The following MGAT4C variants were observed in gnomAD, a reference collection of about 807,000 sequenced individuals.
The protein encoded by MGAT4C is MGAT4 family member C, also known as alpha-1,3-mannosyl-glycoprotein 4-beta-N-acetylglucosaminyltransferase C.
In MGAT4C, 19 loss-of-function variants were observed where a neutral mutation model predicts 40.1. The observed-to-expected ratio is 0.47, with a 90% CI of 0.33 to 0.70. MGAT4C has a LOEUF of 0.70. MGAT4C is among the 30% of genes least tolerant of loss of function. The pLI is 0.02. For missense variants in MGAT4C, 491 were observed against 563.2 expected (o/e 0.87, Z 1.30); for synonymous variants, 181 against 187.1 (o/e 0.97, Z 0.27).
intron 2 of MGAT4C, among the ~76,000 whole-genome samples, chr12:86,000,176 A>G (rs1887142526): frequency 6.6e-6 from 1 of 152,214 alleles, no homozygotes; most frequent in African/African-American, 2.4e-5. Context: ...ATTAGAAAAA[A>G]GGGTAAACTA....
At chr12:85,986,107 A>C (rs1885166717) in intron 3 of MGAT4C, among the ~76,000 whole-genome samples, 1 of 152,346 alleles carries the variant, frequency 6.6e-6, no homozygotes, top group African/African-American at 2.4e-5. Flanking sequence ...TCACTTTATT[A>C]AATTCTCAGG....
intron 2 of MGAT4C, among the ~76,000 whole-genome samples, chr12:86,587,035 T>C (rs1961077552): frequency 6.6e-6 from 1 of 152,156 alleles, no homozygotes; most frequent in Admixed American, 6.6e-5. Flanking sequence ...TCCATGCCTA[T>C]GTCCTGAATG....
chr12:86,109,577 A>C (rs1026709156), intron 1 of MGAT4C, among the ~76,000 whole-genome samples: 1 of 152,058 alleles, frequency 6.6e-6, no homozygotes, highest in South Asian at 2.1e-4. Context: ...CATAATTATC[A>C]CTATTATTCT....
chr12:86,731,720 C>T (rs1393759581), intron 1 of MGAT4C, among the ~76,000 whole-genome samples: 1 of 151,724 alleles, frequency 6.6e-6, no homozygotes, highest in African/African-American at 2.4e-5. Flanking sequence ...TGACTGAAGA[C>T]AAGTTCTTCT....
At chr12:86,413,613 T>A (rs1213134695) in intron 3 of MGAT4C, among the ~76,000 whole-genome samples, 1 of 152,184 alleles carries the variant, frequency 6.6e-6, no homozygotes, top group African/African-American at 2.4e-5. Flanking sequence ...TCTGAAGACA[T>A]GGGAAGTGTT....
chr12:86,000,857 T>C (rs566341763), intron 2 of MGAT4C, among the ~76,000 whole-genome samples: 65 of 152,276 alleles, frequency 4.3e-4, no homozygotes, highest in Non-Finnish European at 7.2e-4. Context: ...CTACGATGCC[T>C]CATCAACTGC....
intron 2 of MGAT4C, among the ~76,000 whole-genome samples, chr12:86,700,027 T>C (rs201942128): frequency 4.1e-5 from 1 of 24,164 alleles, no homozygotes; most frequent in South Asian, 1.6e-3. Flanking sequence ...AGGGGTCAAA[T>C]TTAGATAAAT....
intron 3 of MGAT4C, among the ~76,000 whole-genome samples, chr12:86,366,350 T>C: frequency 6.6e-6 from 1 of 152,356 alleles, no homozygotes; most frequent in East Asian, 1.9e-4. Context: ...TGACTTCGTC[T>C]TTTCCTATTT....
chr12:86,618,340 G>A (rs920707012), intron 2 of MGAT4C, among the ~76,000 whole-genome samples: 1 of 152,072 alleles, frequency 6.6e-6, no homozygotes, highest in Non-Finnish European at 1.5e-5. Context: ...TTTATCCAAA[G>A]GAAAGTAAAT....
intron 1 of MGAT4C, among the ~76,000 whole-genome samples, chr12:86,783,701 T>C (rs1235322878): frequency 2.0e-5 from 3 of 152,190 alleles, no homozygotes; most frequent in Non-Finnish European, 2.9e-5. Context: ...CTCATTTTCT[T>C]TTTTTAAAAA....
At chr12:86,045,229 T>A (rs1419090899) in intron 2 of MGAT4C, among the ~76,000 whole-genome samples, 1 of 152,180 alleles carries the variant, frequency 6.6e-6, no homozygotes, top group African/African-American at 2.4e-5. Flanking sequence ...TCTTTTGTTT[T>A]TAAAATAAAA....
intron 4 of MGAT4C, among the ~76,000 whole-genome samples, chr12:86,326,061 GC>G (rs1237289490): frequency 6.6e-6 from 1 of 151,796 alleles, no homozygotes; most frequent in African/African-American, 2.4e-5. Context: ...ACTGATCTGA[GC>G]TTGCCTATTA....
intron 2 of MGAT4C, among the ~76,000 whole-genome samples, chr12:86,603,642 G>A (rs1348978335): frequency 8.2e-6 from 1 of 122,482 alleles, no homozygotes. Flanking sequence ...ACTATATATA[G>A]TATATATTAT....
intron 3 of MGAT4C, among the ~76,000 whole-genome samples, chr12:86,381,672 T>G (rs1211636060): frequency 6.6e-6 from 1 of 152,202 alleles, no homozygotes; most frequent in Non-Finnish European, 1.5e-5. Context: ...CCAATCAAAC[T>G]GACACATAAA....
At chr12:86,332,992 G>A (rs543753349) in intron 4 of MGAT4C, among the ~76,000 whole-genome samples, 1 of 152,238 alleles carries the variant, frequency 6.6e-6, no homozygotes, top group Non-Finnish European at 1.5e-5. Context: ...TATGAAACAA[G>A]CATACATCAT....
intron 4 of MGAT4C, among the ~76,000 whole-genome samples, chr12:86,326,791 G>A (rs905353208): frequency 6.6e-6 from 1 of 152,014 alleles, no homozygotes; most frequent in Non-Finnish European, 1.5e-5. Context: ...AGAAATGAAA[G>A]CAGTTAATAA....
intron 2 of MGAT4C, among the ~76,000 whole-genome samples, chr12:86,502,884 T>A: frequency 1.6e-5 from 1 of 64,350 alleles, no homozygotes; most frequent in Non-Finnish European, 2.7e-5. Flanking sequence ...TATATATGAG[T>A]TCTGCTCATA....
intron 1 of MGAT4C, among the ~76,000 whole-genome samples, chr12:86,084,707 A>G (rs1056011954): frequency 1.3e-5 from 2 of 151,740 alleles, no homozygotes; most frequent in Non-Finnish European, 2.9e-5. Flanking sequence ...AATTAAGAAT[A>G]AAACCATTTT....
At chr12:86,324,420 A>G (rs1954473105) in intron 4 of MGAT4C, among the ~76,000 whole-genome samples, 1 of 151,862 alleles carries the variant, frequency 6.6e-6, no homozygotes, top group South Asian at 2.1e-4. Context: ...TTAATTAAAT[A>G]TATTCTACAT....
Sources: gnomAD v4.1 joint callset for allele counts (sites outside exome capture counted in the v4.1 genomes callset) on GRCh38, gnomAD v4.1.1 for gene constraint, MANE v1.5 for transcripts, NCBI Gene and HGNC (gene_info 2026-07-23, HGNC 2026-07-21) for gene names.